The following MEIS2 variants were observed in gnomAD, a reference collection of about 807,000 sequenced individuals.
MEIS2 encodes the protein Meis homeobox 2, also known as homeobox protein Meis2.
MEIS2 carries 9 observed loss-of-function variants against 58.6 expected under a neutral mutation model. The observed-to-expected ratio is 0.15, with a 90% CI of 0.09 to 0.27. MEIS2 has a LOEUF of 0.27. MEIS2 is among the 10% of genes least tolerant of loss of function. The pLI, the probability that MEIS2 is intolerant of heterozygous loss-of-function variation, is 1.00. For missense variants in MEIS2, 427 were observed against 635.0 expected (o/e 0.67, Z 3.52); for synonymous variants, 221 against 228.4 (o/e 0.97, Z 0.29).
At chr15:37,073,790 C>T (rs1411847173) in intron 7 of MEIS2, among the ~76,000 whole-genome samples, 1 of 151,998 alleles carries the variant, frequency 6.6e-6, no homozygotes, top group Non-Finnish European at 1.5e-5. Context: ...TTTACACTCC[C>T]AGTCTACTTT....
Position 36,891,243 on chromosome 15 carries a change from TTC to T in MEIS2, c.*928_*929del, listed in dbSNP as rs1446510123. ...AGCAGATCTGATACTAGCAAAAACATTCTTTTTTTTTTCAATTGAGGTAAACA... is the reference window on the plus strand; with the variant it reads ...AGCAGATCTGATACTAGCAAAAACATTTTTTTTTTTCAATTGAGGTAAACA... On this transcript the variant is annotated 3_prime_UTR_variant, in exon 12 of 12. Transcript: ENST00000561208. 2.0e-5 allele frequency: 3 copies of T among 151,674 alleles called. No homozygotes were observed. In the South Asian group the frequency reaches 6.3e-4, roughly 32 times the overall value. The allele number at this position is 151,674 out of a possible 1,614,324, so 9.4% of individuals were successfully genotyped here.
In MEIS2 at chr15:36,892,425, C is replaced by T; in HGVS notation, c.1182G>A (p.Gln394=). The stretch of plus-strand genomic sequence containing the variant: ...CCATACTCATTCCCATAGGACCACC[C>T]TGAGAAACGTAGTCCCCTGGCATGC... ...LQSMPGDYVS[Q]GGPMGMSMAQ... The change falls in exon 12 of 12, where the codon CAG becomes CAA. Residue 394 remains glutamine (Q), a synonymous_variant. Coordinates refer to ENST00000561208, the MANE Select transcript of MEIS2 (RefSeq NM_170675.5). 1 of 1,613,354 alleles carries T rather than the reference C, an allele frequency of 6.2e-7. No individual in the cohort carries two copies. Among genetic ancestry groups the T allele is most frequent in the Non-Finnish European group, 8.5e-7 (1 of 1,179,932 alleles).
At chr15:37,028,934 A>G (rs2061805332) in intron 8 of MEIS2, among the ~76,000 whole-genome samples, 1 of 152,042 alleles carries the variant, frequency 6.6e-6, no homozygotes, top group African/African-American at 2.4e-5. Context: ...TGAAATAGGA[A>G]GAACACTCAA....
chr15:37,090,046 T>C (rs1893332153), intron 6 of MEIS2, among the ~76,000 whole-genome samples: 1 of 152,178 alleles, frequency 6.6e-6, no homozygotes, highest in African/African-American at 2.4e-5. Flanking sequence ...TAAATTTGAA[T>C]GTCTAGGAAA....
chr15:36,996,046 CATATATATATACACACACAT>C (rs2060510152), intron 8 of MEIS2, among the ~76,000 whole-genome samples: 2 of 100,648 alleles, frequency 2.0e-5, no homozygotes, highest in South Asian at 3.9e-4. Context: ...CACACACACA[CATATATATATACACACACAT>C]ATATATATAT....
chr15:37,094,430 C>T (rs1893941953), intron 5 of MEIS2, 97 bp downstream of exon 5: 2 of 1,180,834 alleles, frequency 1.7e-6, no homozygotes, highest in Non-Finnish European at 2.4e-6. Context: ...TCTCCAGGTG[C>T]TCAATCCCTC....
At chr15:37,057,973 TG>T (rs1888666220) in intron 7 of MEIS2, among the ~76,000 whole-genome samples, 1 of 152,210 alleles carries the variant, frequency 6.6e-6, no homozygotes, top group Admixed American at 6.5e-5. Context: ...ATCACCAACA[TG>T]GTGCTTCTTT....
intron 8 of MEIS2, among the ~76,000 whole-genome samples, chr15:36,996,774 T>G (rs921823363): frequency 1.3e-5 from 2 of 152,214 alleles, no homozygotes; most frequent in Non-Finnish European, 2.9e-5. Flanking sequence ...TGACCAGCCT[T>G]ATGATTAAAG....
Position 36,891,502 on chromosome 15 carries a change from A to G in MEIS2, c.*671T>C, listed in dbSNP as rs780435563. 6.5e-6 allele frequency: 1 copy of G among 152,756 alleles called. No individual in the cohort carries two copies. The highest frequency in any genetic ancestry group is 1.5e-5 in the Non-Finnish European group (1 of 68,122). The allele number at this position is 152,756 out of a possible 1,614,324, so 9.5% of individuals were successfully genotyped here. A position where few individuals can be genotyped will look rare whatever the true frequency, so the allele number is the denominator to read the frequency against. ...TGGAAGAAGCTCCTGCTCTGTCTTT[A>G]AATCTTCATTGGCAAGCTCTTTGAA... On this transcript the variant is annotated 3_prime_UTR_variant, in exon 12 of 12. Transcript: ENST00000561208.
chr15:37,033,473 G>A (rs1279460542), intron 8 of MEIS2, among the ~76,000 whole-genome samples: 1 of 152,128 alleles, frequency 6.6e-6, no homozygotes, highest in African/African-American at 2.4e-5. Context: ...AGAAAAAAGG[G>A]TACATCGGGG....
chr15:36,901,588 T>A (rs1026195084), intron 9 of MEIS2, among the ~76,000 whole-genome samples: 1 of 152,184 alleles, frequency 6.6e-6, no homozygotes, highest in Non-Finnish European at 1.5e-5. Flanking sequence ...TGGATCATAA[T>A]GAATTTCCCT....
At chr15:36,987,407 CAAAAAAA>C (rs71126250) in intron 8 of MEIS2, among the ~76,000 whole-genome samples, 293 of 115,834 alleles carry the variant, frequency 2.5e-3, no homozygotes, top group African/African-American at 8.2e-3. Context: ...GACCCTGTCT[CAAAAAAA>C]AAAAAAAAAA....
intron 8 of MEIS2, among the ~76,000 whole-genome samples, chr15:36,963,326 G>A (rs2141436624): frequency 6.6e-6 from 1 of 151,448 alleles, no homozygotes; most frequent in South Asian, 2.1e-4. Flanking sequence ...TTTGCAGTGA[G>A]CCGCGATTGC....
At chr15:37,031,199 T>C (rs1408108174) in intron 8 of MEIS2, among the ~76,000 whole-genome samples, 2 of 152,178 alleles carry the variant, frequency 1.3e-5, no homozygotes, top group Non-Finnish European at 2.9e-5. Context: ...TCTGCAGATA[T>C]GAAAAATGAG....
chr15:36,989,376 G>T (rs1342174802), intron 8 of MEIS2, among the ~76,000 whole-genome samples: 2 of 152,178 alleles, frequency 1.3e-5, no homozygotes, highest in Admixed American at 6.5e-5. Context: ...ATATGCTCAT[G>T]ACAGTATTCG....
At chr15:37,074,433 C>T (rs1444881354) in intron 7 of MEIS2, among the ~76,000 whole-genome samples, 2 of 151,892 alleles carry the variant, frequency 1.3e-5, no homozygotes, top group Non-Finnish European at 1.5e-5. Flanking sequence ...AAGCTTGTGG[C>T]CTCCCTTTAT....
rs1387341569 is a variant in MEIS2, at chr15:36,904,793, A to T, written c.978-8107T>A. Among the ~76,000 whole-genome samples, 3 of 152,206 alleles carry T rather than the reference A, an allele frequency of 2.0e-5. No homozygotes were observed. In the East Asian group the frequency reaches 5.8e-4, roughly 29 times the overall value. ...ATGTTGATTTCATTACCACTGATTT[A>T]TATTGACATGACTTTCCCCGAGTAA... On this transcript the variant is annotated intron_variant, in intron 9 of 11. Transcript: ENST00000561208.
intron 9 of MEIS2, among the ~76,000 whole-genome samples, chr15:36,904,327 A>AT (rs2056620041): frequency 1.6e-5 from 1 of 63,522 alleles, no homozygotes; most frequent in Non-Finnish European, 3.1e-5. Context: ...CACCCCCACC[A>AT]TTTTTTGCAA....
At chr15:36,948,880 G>A (rs750843676) in intron 9 of MEIS2, among the ~76,000 whole-genome samples, 30 of 151,768 alleles carry the variant, frequency 2.0e-4, no homozygotes, top group Non-Finnish European at 4.4e-4. Context: ...TGGTCTAAAG[G>A]GTGTCTTTAA....
Sources: allele counts gnomAD v4.1 joint callset (sites outside exome capture counted in the v4.1 genomes callset), GRCh38; gene constraint gnomAD v4.1.1; transcripts MANE v1.5; gene names NCBI Gene and HGNC (gene_info 2026-07-23, HGNC 2026-07-21).